NCOA1: variants seen among roughly 807,000 people sequenced by gnomAD.
NCOA1 encodes the protein Hin-2 protein.
NCOA1 carries 35 observed loss-of-function variants against 150.9 expected under a neutral mutation model. The ratio of observed to expected loss-of-function variants is 0.23; its 90% CI spans 0.18 to 0.31. The LOEUF is 0.31. Among genes scored for constraint, NCOA1 ranks in the 10% least tolerant of loss-of-function variants. NCOA1 has a pLI of 1.00. For missense variants in NCOA1, 1,491 were observed against 1,749.3 expected (o/e 0.85, Z 2.63); for synonymous variants, 590 against 630.0 (o/e 0.94, Z 0.95).
intron 3 of NCOA1, among the ~76,000 whole-genome samples, chr2:24,626,110 C>T (rs972120989): frequency 6.6e-6 from 1 of 152,154 alleles, no homozygotes; most frequent in Non-Finnish European, 1.5e-5. Context: ...GCATTAAAAT[C>T]TTCAGCTGTA....
intron 4 of NCOA1, among the ~76,000 whole-genome samples, chr2:24,652,804 A>T (rs1420076137): frequency 6.6e-6 from 1 of 152,140 alleles, no homozygotes; most frequent in Non-Finnish European, 1.5e-5. Context: ...ACCTCTTTTT[A>T]AATAGTGATA....
rs536511201 is a variant in NCOA1 at position 24,510,475 on chromosome 2, T to C, written c.-396+18873T>C. On this transcript the variant is annotated intron_variant, in intron 1 of 22. Coordinates refer to ENST00000348332, the MANE Select transcript of NCOA1 (RefSeq NM_003743.5). The stretch of plus-strand genomic sequence containing the variant: ...GACCCATCTTGGCCTCCCAAGTAAC[T>C]GGGACTACAGGCATGCACTACCTGG... 2.6e-5 allele frequency among the ~76,000 whole-genome samples: 4 copies of C among 152,292 alleles called. No homozygotes were observed. In the East Asian group the frequency reaches 7.7e-4, roughly 29 times the overall value.
intron 3 of NCOA1, among the ~76,000 whole-genome samples, chr2:24,629,267 A>G (rs1001222696): frequency 6.6e-6 from 1 of 152,128 alleles, no homozygotes; most frequent in Non-Finnish European, 1.5e-5. Context: ...TAATATTGAA[A>G]TATACTAGTC....
intron 3 of NCOA1, among the ~76,000 whole-genome samples, chr2:24,609,416 A>G (rs1226788818): frequency 6.6e-6 from 1 of 152,128 alleles, no homozygotes; most frequent in East Asian, 1.9e-4. Flanking sequence ...ATTACCTTGT[A>G]TTATTTTCTT....
chr2:24,557,574 C>G (rs917025504), intron 1 of NCOA1, among the ~76,000 whole-genome samples: 3 of 150,216 alleles, frequency 2.0e-5, no homozygotes, highest in African/African-American at 7.4e-5. Context: ...TTTGGTAGAT[C>G]CAGATTTTTA....
At chr2:24,634,713 C>A (rs1228783732) in intron 3 of NCOA1, among the ~76,000 whole-genome samples, 4 of 109,772 alleles carry the variant, frequency 3.6e-5, no homozygotes, top group South Asian at 8.7e-4. Context: ...GAGGAACCCC[C>A]CCCCCCCCCG....
chr2:24,513,009 G>A (rs924410005), intron 1 of NCOA1, among the ~76,000 whole-genome samples: 13 of 152,148 alleles, frequency 8.5e-5, no homozygotes, highest in Admixed American at 7.9e-4. Context: ...TAAGGCTTGC[G>A]AAAACAGCCT....
At chr2:24,610,236 G>C (rs1264647651) in intron 3 of NCOA1, among the ~76,000 whole-genome samples, 1 of 147,134 alleles carries the variant, frequency 6.8e-6, no homozygotes, top group African/African-American at 2.5e-5. Flanking sequence ...CGATTCTCCT[G>C]CCTCAGCCTC....
chr2:24,729,922 T>G, intron 17 of NCOA1, 107 bp downstream of exon 17: 2 of 1,213,502 alleles, frequency 1.6e-6, no homozygotes, highest in Non-Finnish European at 2.3e-6. Flanking sequence ...CTCAGCCCAC[T>G]GCAACCGCCG....
intron 6 of NCOA1, among the ~76,000 whole-genome samples, chr2:24,671,078 G>A (rs1216947035): frequency 6.6e-6 from 1 of 151,928 alleles, no homozygotes; most frequent in African/African-American, 2.4e-5. Context: ...TACAAAAGAG[G>A]AAATACCAAA....
intron 3 of NCOA1, among the ~76,000 whole-genome samples, chr2:24,640,023 GTTTAC>G (rs912151702): frequency 1.4e-5 from 2 of 142,766 alleles, no homozygotes; most frequent in Non-Finnish European, 3.0e-5. Context: ...GATGTCTTAT[GTTTAC>G]TTTATTGCAG....
chr2:24,625,805 G>T (rs1423479968), intron 3 of NCOA1, among the ~76,000 whole-genome samples: 4 of 148,344 alleles, frequency 2.7e-5, no homozygotes, highest in Non-Finnish European at 6.0e-5. Context: ...TTAAATATTT[G>T]AAGTTTTGGA....
chr2:24,679,947 G>T (rs1672089427), intron 7 of NCOA1, among the ~76,000 whole-genome samples: 1 of 152,136 alleles, frequency 6.6e-6, no homozygotes, highest in African/African-American at 2.4e-5. Flanking sequence ...CTTCAATCTT[G>T]TTTTAAATCT....
chr2:24,515,294 G>A lies in NCOA1; in HGVS notation c.-396+23692G>A, dbSNP rs146014576. Among the ~76,000 whole-genome samples, 1,337 of 151,962 alleles carry A rather than the reference G, an allele frequency of 8.8e-3. 14 individuals are homozygous for A. The highest frequency in any genetic ancestry group is 0.058 in the Middle Eastern group (17 of 294). ...GTTACCCAGGCTGGAGTGCAGTGGCGCGATCATGGCTCACTGCAACCTCCG... is the reference window on the plus strand; with the variant it reads ...GTTACCCAGGCTGGAGTGCAGTGGCACGATCATGGCTCACTGCAACCTCCG... On this transcript the variant is annotated intron_variant, in intron 1 of 22. Transcript: ENST00000348332.
At chr2:24,747,327 C>CTTTTTTTTTTTTTTTTTTTTTTTTTT (rs148901218) in intron 19 of NCOA1, among the ~76,000 whole-genome samples, 1 of 120,170 alleles carries the variant, frequency 8.3e-6, no homozygotes, top group African/African-American at 3.1e-5. Context: ...TTATTTTTCT[C>CTTTTTTTTTTTTTTTTTTTTTTTTTT]TTTTTTTTTT....
intron 3 of NCOA1, among the ~76,000 whole-genome samples, chr2:24,592,822 A>T (rs1339517813): frequency 6.6e-6 from 1 of 152,106 alleles, no homozygotes; most frequent in Admixed American, 6.6e-5. Context: ...TAGACATTTT[A>T]ATTTAAATTA....
chr2:24,703,481 G>A (rs1334160627), intron 11 of NCOA1, among the ~76,000 whole-genome samples: 1 of 152,124 alleles, frequency 6.6e-6, no homozygotes, highest in Non-Finnish European at 1.5e-5. Flanking sequence ...CATAAAGTGT[G>A]GTAATTGTCT....
chr2:24,574,820 T>C (rs963699026), intron 2 of NCOA1, among the ~76,000 whole-genome samples: 3 of 152,196 alleles, frequency 2.0e-5, no homozygotes, highest in African/African-American at 7.2e-5. Context: ...TGTTTTCTTA[T>C]TTGTATAATT....
intron 1 of NCOA1, among the ~76,000 whole-genome samples, chr2:24,532,718 C>G (rs890497244): frequency 2.6e-5 from 4 of 152,104 alleles, no homozygotes; most frequent in African/African-American, 9.7e-5. Context: ...GAATCCTTTC[C>G]CCATTGCTTG....
Sources: gnomAD v4.1 joint callset for allele counts (sites outside exome capture counted in the v4.1 genomes callset) on GRCh38, gnomAD v4.1.1 for gene constraint, MANE v1.5 for transcripts, NCBI Gene and HGNC (gene_info 2026-07-23, HGNC 2026-07-21) for gene names.